IGBP1C: variants seen among roughly 807,000 people sequenced by gnomAD.
IGBP1C encodes the protein immunoglobulin-binding protein 1 family member C.
chr17:58,675,197 A>ATTCT, the IGBP1C span: 1 of 152,196 alleles, frequency 6.6e-6, no homozygotes, highest in Non-Finnish European at 1.5e-5. Context: ...TATGTTCAAT[A>ATTCT]TTCTTAGCCA....
At chr17:58,662,078 A>G in the IGBP1C span, among the ~76,000 whole-genome samples, 2 of 151,864 alleles carry the variant, frequency 1.3e-5, no homozygotes, top group Non-Finnish European at 2.9e-5. Flanking sequence ...CTGTATGTCT[A>G]TATCTGTGTA....
chr17:58,685,385 G>A, the IGBP1C span, among the ~76,000 whole-genome samples: 5 of 149,356 alleles, frequency 3.3e-5, no homozygotes, highest in African/African-American at 1.2e-4. Flanking sequence ...GCAGTGAGCC[G>A]AGATCACACC....
chr17:58,687,250 A>C, the IGBP1C span, among the ~76,000 whole-genome samples: 13 of 152,226 alleles, frequency 8.5e-5, no homozygotes, highest in Admixed American at 6.6e-4. Context: ...CTCTGGACTC[A>C]GCAGCTGACC....
At chr17:58,689,990 C>T in the IGBP1C span, among the ~76,000 whole-genome samples, 1 of 147,690 alleles carries the variant, frequency 6.8e-6, no homozygotes, top group Non-Finnish European at 1.5e-5. Context: ...GCTGGGACTA[C>T]AGGCGCCCAC....
At chr17:58,677,745 T>C in the IGBP1C span, 3 of 152,182 alleles carry the variant, frequency 2.0e-5, no homozygotes, top group African/African-American at 7.2e-5. Flanking sequence ...GTGGAAGGCA[T>C]GGTTGTTGCC....
chr17:58,688,795 A>G, the IGBP1C span, among the ~76,000 whole-genome samples: 1 of 152,154 alleles, frequency 6.6e-6, no homozygotes, highest in African/African-American at 2.4e-5. Context: ...AAGAAAAACC[A>G]AAACATATTC....
the IGBP1C span, chr17:58,661,147 A>G: frequency 2.4e-6 from 2 of 831,088 alleles, no homozygotes; most frequent in African/African-American, 3.3e-5. Context: ...ATGCCATAGC[A>G]ACGAGGCTAG....
At chr17:58,664,547 G>C in the IGBP1C span, among the ~76,000 whole-genome samples, 1 of 152,170 alleles carries the variant, frequency 6.6e-6, no homozygotes, top group African/African-American at 2.4e-5. Context: ...AGCCACTGGG[G>C]ATACTAAGAG....
At chr17:58,687,235 G>A in the IGBP1C span, among the ~76,000 whole-genome samples, 1 of 152,078 alleles carries the variant, frequency 6.6e-6, no homozygotes, top group African/African-American at 2.4e-5. Flanking sequence ...GGTCTTGCAA[G>A]CCTACTCTGG....
At chr17:58,675,000 G>A in the IGBP1C span, among the ~76,000 whole-genome samples, 4 of 151,826 alleles carry the variant, frequency 2.6e-5, no homozygotes, top group Non-Finnish European at 4.4e-5. Flanking sequence ...ACAAAAATTA[G>A]CTGGGCATGG....
chr17:58,663,660 G>A, the IGBP1C span, among the ~76,000 whole-genome samples: 6 of 151,908 alleles, frequency 3.9e-5, no homozygotes, highest in Admixed American at 3.3e-4. Context: ...TAGAGATGGG[G>A]TTTCACCATG....
the IGBP1C span, among the ~76,000 whole-genome samples, chr17:58,668,465 G>C: frequency 1.3e-5 from 2 of 152,224 alleles, no homozygotes; most frequent in African/African-American, 2.4e-5. Flanking sequence ...AGTCATGACT[G>C]TCTACTGAAT....
At chr17:58,683,579 A>G in the IGBP1C span, among the ~76,000 whole-genome samples, 2 of 148,238 alleles carry the variant, frequency 1.3e-5, no homozygotes, top group African/African-American at 5.0e-5. Flanking sequence ...CCTGGTCAAC[A>G]TGGTGAAAAC....
the IGBP1C span, among the ~76,000 whole-genome samples, chr17:58,680,489 C>A: frequency 1.2e-4 from 19 of 152,150 alleles, no homozygotes; most frequent in African/African-American, 4.6e-4. Flanking sequence ...TGCCTGTAAT[C>A]CCAGCCCTTT....
At chr17:58,679,447 A>G in the IGBP1C span, 1 of 152,148 alleles carries the variant, frequency 6.6e-6, no homozygotes, top group Non-Finnish European at 1.5e-5. Flanking sequence ...TCGCTATTCC[A>G]AAACAGGAGG....
At chr17:58,668,377 T>C in the IGBP1C span, among the ~76,000 whole-genome samples, 1 of 152,302 alleles carries the variant, frequency 6.6e-6, no homozygotes, top group Non-Finnish European at 1.5e-5. Flanking sequence ...CCAAAGCCTC[T>C]TCTACTGATG....
the IGBP1C span, among the ~76,000 whole-genome samples, chr17:58,684,670 TAAATAAATAAAA>T: frequency 6.8e-6 from 1 of 147,032 alleles, no homozygotes; most frequent in Non-Finnish European, 1.5e-5. Flanking sequence ...AATAAATAAA[TAAATAAATAAAA>T]AGCTTTCTTC....
the IGBP1C span, among the ~76,000 whole-genome samples, chr17:58,670,206 G>A: frequency 3.3e-5 from 5 of 152,132 alleles, no homozygotes; most frequent in Admixed American, 3.3e-4. Context: ...ATTCCACTGT[G>A]TGATTATCAG....
the IGBP1C span, among the ~76,000 whole-genome samples, chr17:58,688,152 C>G: frequency 6.6e-6 from 1 of 151,976 alleles, no homozygotes; most frequent in Non-Finnish European, 1.5e-5. Flanking sequence ...CTGAGTTTTC[C>G]TCTTGTCGCC....
Sources: gnomAD v4.1 joint callset for allele counts (sites outside exome capture counted in the v4.1 genomes callset) on GRCh38, gnomAD v4.1.1 for gene constraint, MANE v1.5 for transcripts, NCBI Gene and HGNC (gene_info 2026-07-23, HGNC 2026-07-21) for gene names.